The following GRID1 variants were observed in gnomAD, a reference collection of about 807,000 sequenced individuals.
GRID1 encodes the protein glutamate ionotropic receptor delta type subunit 1, also known as glutamate receptor ionotropic, delta-1.
In GRID1, 28 loss-of-function variants were observed where a neutral mutation model predicts 98.0. That is an observed-to-expected ratio of 0.29 (90% CI 0.21 to 0.39). The LOEUF is 0.39. Ranked by LOEUF, GRID1 falls within the 10% of genes least tolerant of loss-of-function variation. The pLI, the probability that GRID1 is intolerant of heterozygous loss-of-function variation, is 1.00. For synonymous variants in GRID1, 553 were observed against 538.5 expected, an observed-to-expected ratio of 1.03 and a Z score of -0.37; for missense variants, 1,111 against 1,340.5, an observed-to-expected ratio of 0.83 and a Z score of 2.67.
intron 2 of GRID1, among the ~76,000 whole-genome samples, chr10:86,357,933 A>G (rs1203552456): frequency 6.6e-6 from 1 of 152,196 alleles, no homozygotes; most frequent in Non-Finnish European, 1.5e-5. Flanking sequence ...GGGTGTAGGT[A>G]GGCATGGGCC....
chr10:85,992,350 A>C (rs1024427902), intron 4 of GRID1, among the ~76,000 whole-genome samples: 2 of 152,214 alleles, frequency 1.3e-5, no homozygotes, highest in Non-Finnish European at 2.9e-5. Flanking sequence ...GGCTTAGCTC[A>C]TGTGGGAGTT....
chr10:86,169,554 G>C (rs1845452202), intron 3 of GRID1, among the ~76,000 whole-genome samples: 1 of 152,152 alleles, frequency 6.6e-6, no homozygotes, highest in African/African-American at 2.4e-5. Context: ...AACGAGGGTG[G>C]GAACCAAAGC....
At chr10:85,924,448 G>A (rs1841747729) in intron 4 of GRID1, among the ~76,000 whole-genome samples, 1 of 152,174 alleles carries the variant, frequency 6.6e-6, no homozygotes, top group Admixed American at 6.5e-5. Flanking sequence ...TGACCTTTAG[G>A]AGGTGATGGA....
intron 4 of GRID1, among the ~76,000 whole-genome samples, chr10:85,921,769 G>A (rs367734977): frequency 3.3e-5 from 5 of 152,306 alleles, no homozygotes; most frequent in African/African-American, 1.2e-4. Flanking sequence ...GAGCGCATTG[G>A]AGGAGGCATC....
intron 4 of GRID1, among the ~76,000 whole-genome samples, chr10:85,938,148 C>T (rs1334754853): frequency 6.6e-6 from 1 of 152,202 alleles, no homozygotes; most frequent in African/African-American, 2.4e-5. Context: ...TCCCAAAGAT[C>T]TTGCCAGGGG....
intron 8 of GRID1, among the ~76,000 whole-genome samples, chr10:85,841,166 A>G (rs12262177): frequency 0.33 from 49,901 of 151,904 alleles, 8,763 homozygotes; most frequent in African/African-American, 0.43. Flanking sequence ...ACAGAAAAGA[A>G]AACCCACAAA....
rs757331416 is a variant in GRID1 at position 85,602,265 on chromosome 10, C to G, written c.*8G>C. On this transcript the variant is annotated 3_prime_UTR_variant, in exon 16 of 16. Coordinates refer to ENST00000327946, the MANE Select transcript of GRID1 (RefSeq NM_017551.3). ...GTGGGAGGGTGGGCAGGAGGGCAGG[C>G]GGCGCAGTCAGATGGAGGTCCCGTG... The G allele has an allele frequency of 6.7e-7, 1 of 1,484,512 alleles. No individual in the cohort carries two copies. Among genetic ancestry groups the G allele is most frequent in the South Asian group, 1.4e-5 (1 of 71,432 alleles). 92.0% of individuals were successfully genotyped at this position (1,484,512 alleles called of 1,614,324 possible). A position where few individuals can be genotyped will look rare whatever the true frequency, so the allele number is the denominator to read the frequency against.
At chr10:85,825,621 T>A (rs965969691) in intron 8 of GRID1, among the ~76,000 whole-genome samples, 2 of 152,134 alleles carry the variant, frequency 1.3e-5, no homozygotes, top group Admixed American at 6.6e-5. Flanking sequence ...TTGTAATGAG[T>A]CAAATGTATT....
chr10:86,222,389 C>A (rs1471387935), intron 2 of GRID1, among the ~76,000 whole-genome samples: 3 of 152,172 alleles, frequency 2.0e-5, no homozygotes, highest in African/African-American at 4.8e-5. Context: ...CCCTCAGAGC[C>A]TTGAGGGACT....
intron 4 of GRID1, among the ~76,000 whole-genome samples, chr10:86,044,361 T>A (rs1240308030): frequency 4.6e-5 from 7 of 152,242 alleles, no homozygotes; most frequent in Admixed American, 2.6e-4. Flanking sequence ...GCTTTTGACA[T>A]GCTAGTGAGT....
chr10:86,087,502 G>A (rs957017828), intron 4 of GRID1, among the ~76,000 whole-genome samples: 1 of 142,186 alleles, frequency 7.0e-6, no homozygotes. Context: ...CCAAGTGTGT[G>A]TGTGTGTCTG....
chr10:86,095,790 G>A (rs1314298591), intron 4 of GRID1, among the ~76,000 whole-genome samples: 1 of 152,210 alleles, frequency 6.6e-6, no homozygotes, highest in African/African-American at 2.4e-5. Context: ...CAGCCACTAT[G>A]GAAAACAGTG....
chr10:85,872,634 CCACCA>C (rs1425559286), intron 5 of GRID1, among the ~76,000 whole-genome samples: 2 of 152,236 alleles, frequency 1.3e-5, no homozygotes, highest in Middle Eastern at 3.2e-3. Context: ...CCAAGGGCAG[CCACCA>C]CATCAAGTGG....
intron 2 of GRID1, among the ~76,000 whole-genome samples, chr10:86,316,312 C>T (rs1375810518): frequency 3.9e-5 from 6 of 152,260 alleles, no homozygotes; most frequent in Admixed American, 3.9e-4. Flanking sequence ...ACTGTCCACC[C>T]TCCCACACAC....
chr10:86,169,084 G>A (rs1039155806), intron 3 of GRID1, among the ~76,000 whole-genome samples: 1 of 152,208 alleles, frequency 6.6e-6, no homozygotes, highest in African/African-American at 2.4e-5. Flanking sequence ...CAGTGCACTG[G>A]TTCAGGCCAA....
intron 4 of GRID1, among the ~76,000 whole-genome samples, chr10:86,040,055 C>T (rs1724242520): frequency 6.6e-6 from 1 of 152,098 alleles, no homozygotes; most frequent in Non-Finnish European, 1.5e-5. Flanking sequence ...GTGCCTGCCG[C>T]ATTTCAGGTA....
intron 8 of GRID1, among the ~76,000 whole-genome samples, chr10:85,770,923 C>G (rs181127503): frequency 1.8e-4 from 28 of 151,616 alleles, no homozygotes; most frequent in Non-Finnish European, 3.2e-4. Context: ...CCAGGAGAAC[C>G]CCAGCCTAGC....
At chr10:85,725,648 C>A (rs1205122571) in intron 10 of GRID1, among the ~76,000 whole-genome samples, 1 of 152,166 alleles carries the variant, frequency 6.6e-6, no homozygotes, top group East Asian at 1.9e-4. Flanking sequence ...AAGTGGGAGG[C>A]ATCAGCAGAA....
intron 4 of GRID1, among the ~76,000 whole-genome samples, chr10:86,087,948 C>G (rs995537110): frequency 2.6e-5 from 4 of 152,226 alleles, no homozygotes; most frequent in Admixed American, 6.5e-5. Context: ...ATGCAGAGCA[C>G]GTCCTACAGT....
Sources: allele counts gnomAD v4.1 joint callset (sites outside exome capture counted in the v4.1 genomes callset), GRCh38; gene constraint gnomAD v4.1.1; transcripts MANE v1.5; gene names NCBI Gene and HGNC (gene_info 2026-07-23, HGNC 2026-07-21).